Variants in KDM1B observed in about 807,000 individuals in gnomAD.
KDM1B encodes the protein lysine demethylase 1B.
A neutral mutation model predicts 107.4 loss-of-function variants in KDM1B; 63 were observed. The ratio of observed to expected loss-of-function variants is 0.59; its 90% CI spans 0.48 to 0.72. The LOEUF is 0.72. Ranked by LOEUF, KDM1B falls within the 30% of genes least tolerant of loss-of-function variation. The probability of loss-of-function intolerance (pLI) is 0.00; values close to 1 mark genes in which losing one functional copy is unlikely to be tolerated. For synonymous variants in KDM1B, 363 were observed against 363.9 expected (o/e 1.00, Z 0.03); for missense variants, 749 against 1,020.8 (o/e 0.73, Z 3.63).
chr6:18,173,961 T>C (rs1327618699), intron 7 of KDM1B, among the ~76,000 whole-genome samples: 7 of 152,086 alleles, frequency 4.6e-5, no homozygotes, highest in Non-Finnish European at 1.0e-4. Context: ...AATTTTTGTA[T>C]TATTAGTAAA....
At chr6:18,167,192 T>C (rs1785354500) in intron 6 of KDM1B, among the ~76,000 whole-genome samples, 1 of 151,428 alleles carries the variant, frequency 6.6e-6, no homozygotes, top group South Asian at 2.1e-4. Context: ...CCGTCTCTAC[T>C]AAAAAAATAC....
At position 18,159,899 on chromosome 6, in the gene KDM1B, G is replaced by T. The variant is rs1784858665; in HGVS notation, c.4G>T (p.Ala2Ser). The change falls in exon 3 of 22, where the codon GCA (alanine) becomes TCA (serine). Residue 2 changes from alanine (A) to serine (S), a missense_variant. Transcript: ENST00000650836. This position sits in a 1 kb window ranked among gnomAD's most constrained non-coding sequence, Gnocchi z 4.5. Reference sequence around the variant, plus strand: ...CTTTTGCAGATTATTTAATGTAATGGCAACTCCACGGGGGAGGACAAAGAA... The same window carrying T: ...CTTTTGCAGATTATTTAATGTAATGTCAACTCCACGGGGGAGGACAAAGAA... MATPRGRTKKKA... is the reference protein window; with the variant it reads MSTPRGRTKKKA... 1.3e-6 allele frequency: 2 copies of T among 1,597,360 alleles called. No homozygotes were observed. The highest frequency in any genetic ancestry group is 1.7e-5 in the Admixed American group (1 of 57,614).
At position 18,205,474 on chromosome 6, in the gene KDM1B, G is replaced by T. The variant is rs976130356; in HGVS notation, c.1532-63G>T. The T allele has an allele frequency of 5.7e-5, 85 of 1,495,504 alleles. No homozygotes were observed. In the African/African-American group the frequency reaches 1.1e-3, roughly 20 times the overall value. 92.6% of individuals were successfully genotyped at this position (1,495,504 alleles called of 1,614,324 possible). ...TGGGTGACAGAGGTTGAAAGCAAAG[G>T]AGAAAGAATTGGAGAATCTTGTTAA... On this transcript the variant is annotated intron_variant, in intron 14 of 21. Transcript: ENST00000650836. The surrounding 1 kb of genome is among the most constrained non-coding windows in gnomAD (Gnocchi z 5.7).
intron 17 of KDM1B, among the ~76,000 whole-genome samples, chr6:18,208,902 C>T (rs1287955815): frequency 6.6e-6 from 1 of 151,378 alleles, no homozygotes; most frequent in Non-Finnish European, 1.5e-5. Flanking sequence ...GATCCGCCCG[C>T]CTCGGCCTCC....
At position 18,209,515 on chromosome 6, in the gene KDM1B, C is replaced by T. The variant is rs188713743; in HGVS notation, c.1866+1309C>T. 5.9e-5 allele frequency among the ~76,000 whole-genome samples: 9 copies of T among 152,306 alleles called. No homozygotes were observed. The highest frequency in any genetic ancestry group is 3.9e-4 in the East Asian group (2 of 5,186). On this transcript the variant is annotated intron_variant, in intron 17 of 21. Transcript: ENST00000650836. This position sits in a 1 kb window ranked among gnomAD's most constrained non-coding sequence, Gnocchi z 4.3. ...CTCGGAGATCTTGGGCAGCAATCCCCGGGCTGCACGTCGGAACCACCTGGG... is the reference window on the plus strand; with the variant it reads ...CTCGGAGATCTTGGGCAGCAATCCCTGGGCTGCACGTCGGAACCACCTGGG...
At chr6:18,169,966 T>C (rs891415649) in intron 6 of KDM1B, among the ~76,000 whole-genome samples, 1 of 144,694 alleles carries the variant, frequency 6.9e-6, no homozygotes, top group Non-Finnish European at 1.5e-5. Flanking sequence ...CTGGGGTGCA[T>C]TGGTACGATC....
At position 18,208,603 on chromosome 6, in the gene KDM1B, G is replaced by GTGTGTATATATATA. The variant is rs1359166965; in HGVS notation, c.1866+398_1866+399insGTGTATATATATAT. 2.9e-3 allele frequency among the ~76,000 whole-genome samples: 100 copies of GTGTGTATATATATA among 34,912 alleles called. 11 individuals are homozygous for GTGTGTATATATATA. The highest frequency in any genetic ancestry group is 0.04 in the Middle Eastern group (2 of 50). The allele number at this position is 34,912 out of a possible 152,430, so 22.9% of individuals were successfully genotyped here. On this transcript the variant is annotated intron_variant, in intron 17 of 21. Transcript: ENST00000650836. ...TAGGGTTAAATAGAAGTATGTGTAT[G>GTGTGTATATATATA]TATATATATATATATATATATATAT...
chr6:18,184,273 C>CTTCTTTTTTTTTT (rs1554144142), intron 7 of KDM1B, among the ~76,000 whole-genome samples: 2 of 116,672 alleles, frequency 1.7e-5, no homozygotes, highest in African/African-American at 3.2e-5. Context: ...GTTCTAGCTT[C>CTTCTTTTTTTTTT]TTTTTTTTTT....
intron 7 of KDM1B, among the ~76,000 whole-genome samples, chr6:18,178,673 G>A (rs1786217556): frequency 2.0e-5 from 3 of 152,190 alleles, no homozygotes; most frequent in Admixed American, 6.5e-5. Context: ...TTATAGGTGT[G>A]AGCCACTGCA....
chr6:18,218,929 GTC>G (rs1196510563), intron 21 of KDM1B, among the ~76,000 whole-genome samples: 1 of 151,912 alleles, frequency 6.6e-6, no homozygotes, highest in Non-Finnish European at 1.5e-5. Context: ...TTGAGACGGA[GTC>G]TCTCTTTGTT....
At chr6:18,176,941 T>G (rs1423340561) in intron 7 of KDM1B, among the ~76,000 whole-genome samples, 1 of 152,192 alleles carries the variant, frequency 6.6e-6, no homozygotes, top group African/African-American at 2.4e-5. Flanking sequence ...TTTTCGTTTT[T>G]GGTTATGTCC....
At position 18,222,572 on chromosome 6, in the gene KDM1B, T is replaced by C. The variant is rs988854837; in HGVS notation, c.*580T>C. ...GGTATTTTGTATTGTACATATTTCCTCCTACTGGGTGTTCAAAAGAAATTT... is the reference window on the plus strand; with the variant it reads ...GGTATTTTGTATTGTACATATTTCCCCCTACTGGGTGTTCAAAAGAAATTT... On this transcript the variant is annotated 3_prime_UTR_variant, in exon 22 of 22. Coordinates refer to ENST00000650836, the MANE Select transcript of KDM1B (RefSeq NM_001364614.2). 1.2e-5 allele frequency: 2 copies of C among 165,266 alleles called. No individual in the cohort carries two copies. The highest frequency in any genetic ancestry group is 2.4e-5 in the African/African-American group (1 of 41,502). The allele number at this position is 165,266 out of a possible 1,614,324, so 10.2% of individuals were successfully genotyped here. A position where few individuals can be genotyped will look rare whatever the true frequency, so the allele number is the denominator to read the frequency against.
At chr6:18,210,724 G>A (rs558363415) in intron 17 of KDM1B, among the ~76,000 whole-genome samples, 13 of 152,172 alleles carry the variant, frequency 8.5e-5, no homozygotes, top group African/African-American at 2.2e-4. Flanking sequence ...ATTTGTGGGC[G>A]TGGGTGGCTC....
Position 18,213,863 on chromosome 6 carries a change from C to T in KDM1B, c.2109+82C>T. ...GTGATAATTACTCACCTATCAAGCT[C>T]AGGAACTAACGAACATCATGGAGAC... On this transcript the variant is annotated intron_variant, in intron 19 of 21. Coordinates refer to ENST00000650836, the MANE Select transcript of KDM1B (RefSeq NM_001364614.2). The surrounding 1 kb of genome is among the most constrained non-coding windows in gnomAD (Gnocchi z 5.9). 1 of 1,470,038 alleles carries T rather than the reference C, an allele frequency of 6.8e-7. No individual in the cohort carries two copies. The highest frequency in any genetic ancestry group is 9.5e-7 in the Non-Finnish European group (1 of 1,056,194). The allele number at this position is 1,470,038 out of a possible 1,614,324, so 91.1% of individuals were successfully genotyped here.
At chr6:18,185,395 G>A (rs919303598) in intron 7 of KDM1B, among the ~76,000 whole-genome samples, 1 of 151,476 alleles carries the variant, frequency 6.6e-6, no homozygotes, top group East Asian at 2.0e-4. Context: ...TCCACTTTCC[G>A]GGTCCCAGTG....
intron 10 of KDM1B, among the ~76,000 whole-genome samples, chr6:18,194,340 T>C (rs1161382768): frequency 6.6e-6 from 1 of 152,028 alleles, no homozygotes; most frequent in African/African-American, 2.4e-5. Flanking sequence ...CCCCCAACCA[T>C]CTTGTCAGTC....
Position 18,197,751 on chromosome 6 carries a change from T to C in KDM1B, c.1221+90T>C. 2 of 806,884 alleles carry C rather than the reference T, an allele frequency of 2.5e-6. No homozygotes were observed. The highest frequency in any genetic ancestry group is 2.6e-5 in the Admixed American group (1 of 38,292). The allele number at this position is 806,884 out of a possible 1,614,324, so 50.0% of individuals were successfully genotyped here. On this transcript the variant is annotated intron_variant, in intron 12 of 21. Transcript: ENST00000650836. This position sits in a 1 kb window ranked among gnomAD's most constrained non-coding sequence, Gnocchi z 4.5. ...AGATTTAGAAACCAGTTCCTATTTT[T>C]AGTGAAGAATACTAAATACATTATA...
At chr6:18,196,213 A>G (rs1787640438) in intron 10 of KDM1B, among the ~76,000 whole-genome samples, 1 of 151,966 alleles carries the variant, frequency 6.6e-6, no homozygotes, top group Non-Finnish European at 1.5e-5. Flanking sequence ...GATATAGCAC[A>G]TTTTCTTTAT....
chr6:18,174,918 A>G (rs781714820), intron 7 of KDM1B, among the ~76,000 whole-genome samples: 4 of 152,158 alleles, frequency 2.6e-5, no homozygotes, highest in African/African-American at 9.7e-5. Context: ...GGGTTCCACA[A>G]TTTTGCAATT....
Sources: gnomAD v4.1 joint callset for allele counts (sites outside exome capture counted in the v4.1 genomes callset) on GRCh38, gnomAD v4.1.1 for gene constraint, Gnocchi (gnomAD v3.1) non-coding constraint, MANE v1.5 for transcripts, NCBI Gene and HGNC (gene_info 2026-07-23, HGNC 2026-07-21) for gene names.